The following RPS6KA2 variants were observed in gnomAD, a reference collection of about 807,000 sequenced individuals.
The protein encoded by RPS6KA2 is ribosomal protein S6 kinase alpha-2.
A neutral mutation model predicts 91.8 loss-of-function variants in RPS6KA2; 42 were observed. That is an observed-to-expected ratio of 0.46 (90% CI 0.36 to 0.59). RPS6KA2 has a LOEUF of 0.59. Among genes scored for constraint, RPS6KA2 ranks in the 20% least tolerant of loss-of-function variants. The probability of loss-of-function intolerance (pLI) is 0.00; values close to 1 mark genes in which losing one functional copy is unlikely to be tolerated. For synonymous variants in RPS6KA2, 414 were observed against 393.6 expected (o/e 1.05, Z -0.61); for missense variants, 798 against 978.5 (o/e 0.82, Z 2.46).
chr6:166,427,648 T>A (rs917785746), intron 16 of RPS6KA2, among the ~76,000 whole-genome samples: 1 of 152,176 alleles, frequency 6.6e-6, no homozygotes, highest in African/African-American at 2.4e-5. Flanking sequence ...AGCATTCTTA[T>A]ACACCAATAA....
chr6:166,794,853 T>G (rs1316812204), intron 2 of RPS6KA2, among the ~76,000 whole-genome samples: 2 of 107,676 alleles, frequency 1.9e-5, no homozygotes, highest in African/African-American at 3.6e-5. Flanking sequence ...CGGGGACTGT[T>G]GTGGGGTGGG....
chr6:166,800,340 C>T (rs189279478), intron 2 of RPS6KA2, among the ~76,000 whole-genome samples: 6 of 152,280 alleles, frequency 3.9e-5, no homozygotes, highest in East Asian at 1.9e-4. Context: ...GACAGTTCTG[C>T]GGCACAGTCT....
In RPS6KA2 at chr6:166,498,586, G is replaced by A. The variant is rs769744713; in HGVS notation, c.669C>T (p.Ile223=). 11 of 1,613,712 alleles carry A rather than the reference G, an allele frequency of 6.8e-6. No homozygotes were observed. Among genetic ancestry groups the A allele is most frequent in the African/African-American group, 2.7e-5 (2 of 74,894 alleles). The part of the protein sequence containing the change: ...DKRAYSFCGT[I]EYMAPEVVNR... The stretch of plus-strand genomic sequence containing the variant: ...TCACCACCTCGGGCGCCATGTACTC[G>A]ATCGTCCCGCAGAAGGAGTACGCTC... Residue 223 remains isoleucine, a synonymous_variant, in exon 8 of 21, where the codon ATC becomes ATT. Transcript: ENST00000265678.
intron 8 of RPS6KA2, among the ~76,000 whole-genome samples, chr6:166,496,379 G>C (rs528848982): frequency 8.5e-4 from 119 of 140,638 alleles, no homozygotes; most frequent in African/African-American, 3.4e-3. Context: ...AAAATAAAAA[G>C]AAAAAAAAGA....
At chr6:166,785,090 A>G (rs1001619810) in intron 2 of RPS6KA2, among the ~76,000 whole-genome samples, 2 of 152,212 alleles carry the variant, frequency 1.3e-5, no homozygotes, top group African/African-American at 4.8e-5. Flanking sequence ...GTTTGCGTCT[A>G]CCTATCTGTC....
At chr6:166,835,457 C>G (rs928419670) in intron 2 of RPS6KA2, among the ~76,000 whole-genome samples, 1 of 152,164 alleles carries the variant, frequency 6.6e-6, no homozygotes, top group African/African-American at 2.4e-5. Flanking sequence ...AAGCTCTCAG[C>G]CATGTTTTGT....
chr6:166,690,793 C>T (rs1789185486), intron 2 of RPS6KA2, among the ~76,000 whole-genome samples: 2 of 152,066 alleles, frequency 1.3e-5, no homozygotes, highest in East Asian at 3.9e-4. Context: ...CAAACACTGC[C>T]CCTGCACTGT....
intron 2 of RPS6KA2, among the ~76,000 whole-genome samples, chr6:166,535,191 G>A (rs915070963): frequency 6.6e-6 from 1 of 152,204 alleles, no homozygotes; most frequent in African/African-American, 2.4e-5. Context: ...CAAAGATGCT[G>A]TGAGAACCGC....
intron 2 of RPS6KA2, among the ~76,000 whole-genome samples, chr6:166,843,212 G>A (rs1426904901): frequency 1.3e-5 from 2 of 152,144 alleles, no homozygotes; most frequent in Admixed American, 1.3e-4. Context: ...CCCCACAGCA[G>A]CCACACCAAA....
chr6:166,850,759 G>A (rs1002015505), intron 2 of RPS6KA2, among the ~76,000 whole-genome samples: 4 of 152,254 alleles, frequency 2.6e-5, no homozygotes, highest in African/African-American at 9.6e-5. Flanking sequence ...CCTATGGGAG[G>A]TGGGCTCCCC....
rs544106098 is a variant in RPS6KA2, at chr6:166,766,424, AAAAT to A, written c.123+91772_123+91775del. 4.9e-3 allele frequency among the ~76,000 whole-genome samples: 754 copies of A among 152,352 alleles called. 5 individuals are homozygous for A. The highest frequency in any genetic ancestry group is 8.2e-3 in the Admixed American group (125 of 15,300). ...ATTATTTTAAAAATGAAGAAAAGAAAAAATACATATAATTGTACAACTTAATGAA... is the reference window on the plus strand; with the variant it reads ...ATTATTTTAAAAATGAAGAAAAGAAAACATATAATTGTACAACTTAATGAA... On this transcript the variant is annotated intron_variant, in intron 2 of 21. Coordinates refer to the RPS6KA2 transcript ENST00000503859.
chr6:166,565,011 C>T (rs1333446805), intron 1 of RPS6KA2, among the ~76,000 whole-genome samples: 1 of 152,148 alleles, frequency 6.6e-6, no homozygotes, highest in East Asian at 1.9e-4. Context: ...ACGTGGTTCC[C>T]CATTCAGAGT....
intron 2 of RPS6KA2, among the ~76,000 whole-genome samples, chr6:166,772,128 G>GGCATGTATGGTGAGCCTATGT (rs1451445278): frequency 1.4e-4 from 21 of 145,982 alleles, no homozygotes; most frequent in African/African-American, 5.9e-4. Flanking sequence ...TATTGTACTG[G>GGCATGTATGGTGAGCCTATGT]GCATGTATGG....
chr6:166,485,561 A>C (rs1395972180), intron 10 of RPS6KA2, among the ~76,000 whole-genome samples: 1 of 152,206 alleles, frequency 6.6e-6, no homozygotes, highest in Non-Finnish European at 1.5e-5. Context: ...TGGAAGACTC[A>C]GATCAGAAAC....
intron 2 of RPS6KA2, among the ~76,000 whole-genome samples, chr6:166,663,209 A>G (rs538259554): frequency 6.6e-6 from 1 of 152,208 alleles, no homozygotes; most frequent in Non-Finnish European, 1.5e-5. Flanking sequence ...AGAAACAAAA[A>G]CCAATAGATA....
At chr6:166,431,245 A>C (rs1264813792) in intron 15 of RPS6KA2, among the ~76,000 whole-genome samples, 1 of 152,188 alleles carries the variant, frequency 6.6e-6, no homozygotes, top group Non-Finnish European at 1.5e-5. Flanking sequence ...AGATATTTAG[A>C]CGTTAAGAAA....
chr6:166,475,671 C>T (rs1780946215), intron 10 of RPS6KA2: 2 of 437,892 alleles, frequency 4.6e-6, no homozygotes, highest in Admixed American at 5.1e-5. Flanking sequence ...ATTCAGTACA[C>T]ATTCACTGAA....
chr6:166,711,219 C>A (rs1388297426), intron 2 of RPS6KA2, among the ~76,000 whole-genome samples: 2 of 150,722 alleles, frequency 1.3e-5, no homozygotes, highest in South Asian at 4.3e-4. Flanking sequence ...AATAGCCCCA[C>A]AACTTCCTTC....
intron 2 of RPS6KA2, among the ~76,000 whole-genome samples, chr6:166,771,841 G>A (rs1479323399): frequency 1.3e-5 from 2 of 152,196 alleles, no homozygotes; most frequent in Non-Finnish European, 2.9e-5. Context: ...TCACGAGTGA[G>A]CACAGCTTTG....
Sources: allele counts gnomAD v4.1 joint callset (sites outside exome capture counted in the v4.1 genomes callset), GRCh38; gene constraint gnomAD v4.1.1; transcripts MANE v1.5; gene names NCBI Gene and HGNC (gene_info 2026-07-23, HGNC 2026-07-21).